The following TJP1 variants were observed in gnomAD, a reference collection of about 807,000 sequenced individuals.
TJP1 encodes tight junction protein 1.
In TJP1, 43 loss-of-function variants were observed where a neutral mutation model predicts 194.2. The ratio of observed to expected loss-of-function variants is 0.22; its 90% CI spans 0.17 to 0.29. The LOEUF (loss-of-function observed/expected upper bound fraction) is 0.29. Ranked by LOEUF, TJP1 falls within the 10% of genes least tolerant of loss-of-function variation. The pLI, the probability that TJP1 is intolerant of heterozygous loss-of-function variation, is 1.00. For synonymous variants in TJP1, 801 were observed against 779.0 expected, an observed-to-expected ratio of 1.03 and a Z score of -0.47; for missense variants, 1,971 against 2,185.7, an observed-to-expected ratio of 0.90 and a Z score of 1.96.
At chr15:29,875,498 A>G (rs1227614600) in intron 2 of TJP1, among the ~76,000 whole-genome samples, 1 of 152,172 alleles carries the variant, frequency 6.6e-6, no homozygotes, top group Non-Finnish European at 1.5e-5. Context: ...TTCTCCCTAA[A>G]GATGCGGTGT....
At chr15:29,907,447 A>C (rs1392543836) in intron 2 of TJP1, among the ~76,000 whole-genome samples, 2 of 152,130 alleles carry the variant, frequency 1.3e-5, no homozygotes, top group Admixed American at 1.3e-4. Context: ...TGGTACATAC[A>C]TGTATTCATA....
At chr15:29,857,021 T>C (rs906987010) in intron 2 of TJP1, among the ~76,000 whole-genome samples, 1 of 152,210 alleles carries the variant, frequency 6.6e-6, no homozygotes, top group African/African-American at 2.4e-5. Flanking sequence ...CCAGAGGGTA[T>C]GTGCAGGTCA....
At chr15:29,734,150 T>G (rs558691121) in intron 12 of TJP1, 124 bp downstream of exon 12, 1 of 639,728 alleles carries the variant, frequency 1.6e-6, no homozygotes, top group East Asian at 2.9e-5. Flanking sequence ...TAACTTTCTT[T>G]GAGATTAACA....
At chr15:29,929,845 C>G (rs77164702) in intron 2 of TJP1, among the ~76,000 whole-genome samples, 1 of 151,580 alleles carries the variant, frequency 6.6e-6, no homozygotes, top group South Asian at 2.1e-4. Flanking sequence ...AAACTGAAAG[C>G]TGCCTTTTTG....
In TJP1 at chr15:29,733,199, C is replaced by T. The variant is rs200912609; in HGVS notation, c.1631G>A (p.Arg544His). The T allele has an allele frequency of 1.1e-3, 1,715 of 1,614,046 alleles. 3 individuals carry two copies. The highest frequency in any genetic ancestry group is 1.3e-3 in the Non-Finnish European group (1,484 of 1,179,984). Residue 544 changes from arginine to histidine, a missense_variant, in exon 13 of 28, where the codon CGT (arginine) becomes CAT (histidine). Physicochemically the swap from Arg to His is conservative, Grantham distance 29. Transcript: ENST00000614355. ...GLSFNKGEVF[R>H]VVDTLYNGKL... ...TCCATTGTACAAGGTATCCACAACA[C>T]GGAACACCTCTCCTTTGTTAAAACT...
chr15:29,955,840 A>G (rs2055921421), intron 2 of TJP1, among the ~76,000 whole-genome samples: 1 of 150,916 alleles, frequency 6.6e-6, no homozygotes, highest in Non-Finnish European at 1.5e-5. Flanking sequence ...ATAATATCAG[A>G]GTAATTATTG....
rs1005430113 is a variant in TJP1 at position 29,898,603 on chromosome 15, T to C, written c.306+57629A>G. ...TGAACACAACATGGTTATTACATAATGCTAATACAGGTGGAGCACCCCCAG... is the reference window on the plus strand; with the variant it reads ...TGAACACAACATGGTTATTACATAACGCTAATACAGGTGGAGCACCCCCAG... On this transcript the variant is annotated intron_variant, in intron 2 of 28. Coordinates refer to the TJP1 transcript ENST00000356107. Among the ~76,000 whole-genome samples the C allele has an allele frequency of 5.9e-5, 9 of 152,218 alleles. No individual in the cohort carries two copies. In the East Asian group the frequency reaches 1.5e-3, roughly 26 times the overall value.
At chr15:29,832,184 G>A (rs896829009) in intron 2 of TJP1, among the ~76,000 whole-genome samples, 1 of 152,138 alleles carries the variant, frequency 6.6e-6, no homozygotes, top group Non-Finnish European at 1.5e-5. Flanking sequence ...GACACAAGCA[G>A]AGGCTTGAAA....
chr15:29,702,969 A>G (rs918057625), intron 27 of TJP1, among the ~76,000 whole-genome samples: 2 of 152,330 alleles, frequency 1.3e-5, no homozygotes, highest in African/African-American at 2.4e-5. Context: ...TAACTGACTT[A>G]AGTCACTCAA....
At chr15:29,730,703 C>T in intron 15 of TJP1, 1 of 762,592 alleles carries the variant, frequency 1.3e-6, no homozygotes. Flanking sequence ...GTCCTGTCGC[C>T]ACCGCCACCA....
At chr15:29,957,115 A>G (rs1170815962) in intron 1 of TJP1, among the ~76,000 whole-genome samples, 1 of 152,216 alleles carries the variant, frequency 6.6e-6, no homozygotes, top group Non-Finnish European at 1.5e-5. Context: ...TGAAAATAAC[A>G]TAAATCTAAA....
At chr15:29,768,060 C>T (rs1212036819) in intron 4 of TJP1, among the ~76,000 whole-genome samples, 5 of 152,202 alleles carry the variant, frequency 3.3e-5, no homozygotes, top group Admixed American at 6.5e-5. Context: ...TCTTTTCTCT[C>T]TTCTCTATGT....
chr15:29,775,838 A>G (rs1372819706), intron 2 of TJP1, among the ~76,000 whole-genome samples: 1 of 152,178 alleles, frequency 6.6e-6, no homozygotes, highest in Non-Finnish European at 1.5e-5. Flanking sequence ...AATTGACCCT[A>G]TTATAAATAA....
At chr15:29,925,157 G>A (rs948246184) in intron 2 of TJP1, among the ~76,000 whole-genome samples, 1 of 152,242 alleles carries the variant, frequency 6.6e-6, no homozygotes, top group African/African-American at 2.4e-5. Flanking sequence ...TCTAAAGCGT[G>A]ATTCAGAGGG....
At chr15:29,896,883 A>G (rs1310241869) in intron 2 of TJP1, among the ~76,000 whole-genome samples, 3 of 152,208 alleles carry the variant, frequency 2.0e-5, no homozygotes, top group Non-Finnish European at 4.4e-5. Context: ...CAAAGCATTC[A>G]AGAAGTGACT....
At chr15:29,884,927 G>A (rs1274172289) in intron 2 of TJP1, among the ~76,000 whole-genome samples, 1 of 152,196 alleles carries the variant, frequency 6.6e-6, no homozygotes, top group Non-Finnish European at 1.5e-5. Context: ...AACAGATATG[G>A]ATGGACAAGG....
intron 2 of TJP1, among the ~76,000 whole-genome samples, chr15:29,839,216 T>G (rs555740157): frequency 6.6e-6 from 1 of 151,918 alleles, no homozygotes; most frequent in Non-Finnish European, 1.5e-5. Flanking sequence ...GCCAGGATGG[T>G]CTTGATTTCC....
chr15:29,905,736 C>T (rs957447640), intron 2 of TJP1, among the ~76,000 whole-genome samples: 2 of 152,122 alleles, frequency 1.3e-5, no homozygotes, highest in Non-Finnish European at 2.9e-5. Context: ...AAATTAAATA[C>T]GTATTTGGTT....
At chr15:29,892,031 A>G (rs1005431151) in intron 2 of TJP1, among the ~76,000 whole-genome samples, 1 of 152,264 alleles carries the variant, frequency 6.6e-6, no homozygotes, top group Non-Finnish European at 1.5e-5. Flanking sequence ...ATCTTATGCC[A>G]AACAGTTAAG....
Sources: allele counts gnomAD v4.1 joint callset (sites outside exome capture counted in the v4.1 genomes callset), GRCh38; gene constraint gnomAD v4.1.1; transcripts MANE v1.5; gene names NCBI Gene and HGNC (gene_info 2026-07-23, HGNC 2026-07-21).